Variants in ZFAND3 observed in about 807,000 individuals in gnomAD.
ZFAND3 encodes the protein AN1-type zinc finger protein 3.
Under a neutral mutation model 29.6 loss-of-function variants are expected in ZFAND3, and 10 were observed. The ratio of observed to expected loss-of-function variants is 0.34; its 90% confidence interval spans 0.21 to 0.57. The LOEUF (loss-of-function observed/expected upper bound fraction) is 0.57, where lower values mean the gene tolerates loss of function less well. Ranked by LOEUF, ZFAND3 falls within the 20% of genes least tolerant of loss-of-function variation. The pLI is 0.86. For missense variants in ZFAND3, 230 were observed against 304.5 expected, an observed-to-expected ratio of 0.76 and a Z score of 1.82; for synonymous variants, 128 against 112.6, an observed-to-expected ratio of 1.14 and a Z score of -0.87.
intron 4 of ZFAND3, among the ~76,000 whole-genome samples, chr6:38,114,282 G>C (rs1195357550): frequency 6.6e-6 from 1 of 152,250 alleles, no homozygotes; most frequent in Admixed American, 6.5e-5. Flanking sequence ...CCCGCCCGCA[G>C]AGAGCAGTGT....
At chr6:37,901,687 G>A (rs1265374139) in intron 1 of ZFAND3, among the ~76,000 whole-genome samples, 1 of 152,190 alleles carries the variant, frequency 6.6e-6, no homozygotes, top group Non-Finnish European at 1.5e-5. Context: ...CTAACTTCCA[G>A]TATGTTTCAG....
rs1223533627 is a variant in ZFAND3 at position 38,009,007 on chromosome 6, CTATTA to C, written c.113-52585_113-52581del. 4.6e-5 allele frequency among the ~76,000 whole-genome samples: 7 copies of C among 152,192 alleles called. No homozygotes were observed. The East Asian group carries it at 5.8e-4, about 13-fold the overall frequency. ...CTTGTGAGCATGTTGTTCCGACCAGCTATTAGCTCCTATACTAAAATTGGTTGCCT... is the reference window on the plus strand; with the variant it reads ...CTTGTGAGCATGTTGTTCCGACCAGCGCTCCTATACTAAAATTGGTTGCCT... On this transcript the variant is annotated intron_variant, in intron 2 of 5. Coordinates refer to ENST00000287218, the MANE Select transcript of ZFAND3 (RefSeq NM_021943.3).
At chr6:37,897,500 A>G (rs963205262) in intron 1 of ZFAND3, among the ~76,000 whole-genome samples, 2 of 152,190 alleles carry the variant, frequency 1.3e-5, no homozygotes, top group Admixed American at 6.5e-5. Flanking sequence ...CTTGGAAGAA[A>G]TTCAGCTTCG....
Position 38,061,784 on chromosome 6 carries a change from C to G in ZFAND3, c.295+9C>G, listed in dbSNP as rs1234639896. Reference sequence around the variant, plus strand: ...ACCGAGTAAAGAGGAGTGTAAGTGTCTGGCTTCTGAGGGGTGGTAGAGAGA... The same window carrying G: ...ACCGAGTAAAGAGGAGTGTAAGTGTGTGGCTTCTGAGGGGTGGTAGAGAGA... On this transcript the variant is annotated intron_variant, in intron 3 of 5. Transcript: ENST00000287218. 32 of 1,613,570 alleles carry G rather than the reference C, an allele frequency of 2.0e-5. No individual in the cohort carries two copies. The highest frequency in any genetic ancestry group is 2.6e-5 in the Non-Finnish European group (31 of 1,179,760).
At chr6:37,918,854 C>T (rs1761316313) in intron 1 of ZFAND3, among the ~76,000 whole-genome samples, 1 of 151,676 alleles carries the variant, frequency 6.6e-6, no homozygotes, top group Non-Finnish European at 1.5e-5. Context: ...ATTGTTATCT[C>T]TCTTAAATTT....
chr6:37,884,579 T>C (rs909733628), intron 1 of ZFAND3, among the ~76,000 whole-genome samples: 1 of 140,726 alleles, frequency 7.1e-6, no homozygotes, highest in African/African-American at 2.9e-5. Flanking sequence ...AATTCCAGTG[T>C]GGCTTCAAGC....
In ZFAND3 at chr6:37,848,715, T is replaced by G. The variant is rs180716616; in HGVS notation, c.71+28699T>G. 4.3e-4 allele frequency among the ~76,000 whole-genome samples: 66 copies of G among 152,346 alleles called. 2 individuals carry two copies. The South Asian group carries it at 0.013, about 31-fold the overall frequency. The stretch of plus-strand genomic sequence containing the variant: ...TGTCTCGCTTAGAATGTAACTGAGT[T>G]TATTGTTGAAGTTATGTTTAAAAAG... On this transcript the variant is annotated intron_variant, in intron 1 of 5. Transcript: ENST00000287218.
intron 2 of ZFAND3, among the ~76,000 whole-genome samples, chr6:37,997,309 C>T (rs568446120): frequency 1.4e-3 from 210 of 152,184 alleles, no homozygotes; most frequent in African/African-American, 4.8e-3. Context: ...CCTATATTTT[C>T]AGGAGTATGG....
At chr6:38,133,479 G>A (rs768700908) in intron 5 of ZFAND3, among the ~76,000 whole-genome samples, 4 of 152,188 alleles carry the variant, frequency 2.6e-5, no homozygotes, top group African/African-American at 4.8e-5. Flanking sequence ...GCCGGGCGCG[G>A]TGGCTCACGC....
chr6:37,991,509 C>T (rs1423520321), intron 2 of ZFAND3, among the ~76,000 whole-genome samples: 1 of 152,036 alleles, frequency 6.6e-6, no homozygotes, highest in Non-Finnish European at 1.5e-5. Context: ...CCTGCCACTA[C>T]ACCTGGCTAA....
chr6:37,931,164 A>T (rs1401766500), intron 2 of ZFAND3, among the ~76,000 whole-genome samples: 1 of 152,196 alleles, frequency 6.6e-6, no homozygotes, highest in Admixed American at 6.5e-5. Context: ...CTTGAGAAAG[A>T]CACTCCTGAG....
intron 2 of ZFAND3, among the ~76,000 whole-genome samples, chr6:37,931,806 T>G (rs1374505642): frequency 6.6e-6 from 1 of 152,190 alleles, no homozygotes; most frequent in African/African-American, 2.4e-5. Context: ...GGTGTAAGCT[T>G]TAGACCGTTA....
At chr6:37,965,129 C>T (rs919448421) in intron 2 of ZFAND3, among the ~76,000 whole-genome samples, 3 of 152,068 alleles carry the variant, frequency 2.0e-5, no homozygotes, top group Non-Finnish European at 2.9e-5. Context: ...TTTTTAAAAG[C>T]ACCAATTGTA....
intron 2 of ZFAND3, among the ~76,000 whole-genome samples, chr6:37,974,739 TTGAGATTCATCTATGTTG>T (rs1762451890): frequency 6.6e-6 from 1 of 152,164 alleles, no homozygotes; most frequent in African/African-American, 2.4e-5. Context: ...TCAGCATATT[TTGAGATTCATCTATGTTG>T]TTGTCTATAT....
At position 37,977,833 on chromosome 6, in the gene ZFAND3, TTC is replaced by T. The variant is rs1561953799; in HGVS notation, c.112+47835_112+47836del. 5.4e-3 allele frequency among the ~76,000 whole-genome samples: 726 copies of T among 135,688 alleles called. 46 individuals carry two copies. Among genetic ancestry groups the T allele is most frequent in the African/African-American group, 0.017 (627 of 36,170 alleles). The allele number at this position is 135,688 out of a possible 152,430, so 89.0% of individuals were successfully genotyped here. ...GTTGAATTTTGTAAAATGCTTTTCC[TTC>T]CTTCCTTCCTTCCTTCCTTCCTTCC... is the stretch of plus-strand genomic sequence containing the variant. On this transcript the variant is annotated intron_variant, in intron 2 of 5. Coordinates refer to ENST00000287218, the MANE Select transcript of ZFAND3 (RefSeq NM_021943.3).
At chr6:38,014,229 T>C (rs1472333387) in intron 2 of ZFAND3, among the ~76,000 whole-genome samples, 1 of 152,140 alleles carries the variant, frequency 6.6e-6, no homozygotes, top group Non-Finnish European at 1.5e-5. Flanking sequence ...TTTAAAAGTT[T>C]TGTTAAAAAG....
chr6:38,106,123 G>A (rs1416157827), intron 4 of ZFAND3, among the ~76,000 whole-genome samples: 1 of 151,986 alleles, frequency 6.6e-6, no homozygotes, highest in African/African-American at 2.4e-5. Flanking sequence ...GAAGAAGGTA[G>A]ATGAGTAGCA....
At chr6:38,104,180 A>C (rs1241062793) in intron 4 of ZFAND3, among the ~76,000 whole-genome samples, 3 of 152,162 alleles carry the variant, frequency 2.0e-5, no homozygotes, top group African/African-American at 7.2e-5. Context: ...ATGCCCTTTC[A>C]GTAATTAGTG....
At chr6:37,905,408 A>G (rs749436718) in intron 1 of ZFAND3, among the ~76,000 whole-genome samples, 3 of 152,094 alleles carry the variant, frequency 2.0e-5, no homozygotes, top group Non-Finnish European at 4.4e-5. Context: ...CTTTCATGAT[A>G]TACTTTGAAA....
Sources: allele counts gnomAD v4.1 joint callset (sites outside exome capture counted in the v4.1 genomes callset), GRCh38; gene constraint gnomAD v4.1.1; transcripts MANE v1.5; gene names NCBI Gene and HGNC (gene_info 2026-07-23, HGNC 2026-07-21).